The following PREX1 variants were observed in gnomAD, a reference collection of about 807,000 sequenced individuals.
PREX1 encodes phosphatidylinositol 3,4,5-trisphosphate-dependent Rac exchanger 1 protein.
In PREX1, 41 loss-of-function variants were observed where a neutral mutation model predicts 198.3. That is an observed-to-expected ratio of 0.21 (90% CI 0.16 to 0.27). The LOEUF (loss-of-function observed/expected upper bound fraction) is 0.27, where lower values mean the gene tolerates loss of function less well. Among genes scored for constraint, PREX1 ranks in the 10% least tolerant of loss-of-function variants. The pLI is 1.00. For synonymous variants in PREX1, 843 were observed against 887.2 expected, an observed-to-expected ratio of 0.95 and a Z score of 0.89; for missense variants, 1,620 against 2,200.7, an observed-to-expected ratio of 0.74 and a Z score of 5.28.
chr20:48,710,368 T>G (rs189028616), intron 5 of PREX1, among the ~76,000 whole-genome samples: 1 of 151,922 alleles, frequency 6.6e-6, no homozygotes, highest in Non-Finnish European at 1.5e-5. Context: ...TGGTCAAGAG[T>G]AGACCGGTCA....
At chr20:48,791,987 T>C (rs538735342) in intron 1 of PREX1, among the ~76,000 whole-genome samples, 1 of 152,302 alleles carries the variant, frequency 6.6e-6, no homozygotes, top group African/African-American at 2.4e-5. Flanking sequence ...ACATGGGACA[T>C]GTGCTCCAGA....
At chr20:48,650,790 C>A in intron 23 of PREX1, 104 bp downstream of exon 23, 1 of 1,399,440 alleles carries the variant, frequency 7.1e-7, no homozygotes. Flanking sequence ...CTGTTTGTTT[C>A]AGCTGAGTTG....
chr20:48,859,381 A>G, the PREX1 span, among the ~76,000 whole-genome samples: 1 of 152,168 alleles, frequency 6.6e-6, no homozygotes, highest in African/African-American at 2.4e-5. Flanking sequence ...CACCCACCCC[A>G]TAAGTCCCAC....
intron 27 of PREX1, 55 bp from the exon 28 acceptor site, chr20:48,642,544 T>A (rs1312137888): frequency 1.4e-6 from 2 of 1,452,210 alleles, no homozygotes; most frequent in African/African-American, 2.8e-5. Flanking sequence ...CCTCACACCA[T>A]CCCCAGCACT....
intron 1 of PREX1, among the ~76,000 whole-genome samples, chr20:48,792,802 CAA>C (rs200047465): frequency 2.9e-4 from 28 of 95,290 alleles, no homozygotes; most frequent in South Asian, 1.4e-3. Flanking sequence ...AAGCCAGATA[CAA>C]AAAAAAAAAA....
chr20:48,648,509 G>A (rs2089467792), intron 25 of PREX1, among the ~76,000 whole-genome samples: 2 of 152,158 alleles, frequency 1.3e-5, no homozygotes, highest in African/African-American at 2.4e-5. Context: ...TCAAGGGTGA[G>A]AGACACTGCT....
chr20:48,789,672 T>G (rs1489948169), intron 1 of PREX1, among the ~76,000 whole-genome samples: 1 of 152,204 alleles, frequency 6.6e-6, no homozygotes, highest in Non-Finnish European at 1.5e-5. Context: ...ATTATTAAGC[T>G]GAGACTATAA....
chr20:48,887,688 T>C, the PREX1 span, among the ~76,000 whole-genome samples: 9 of 151,830 alleles, frequency 5.9e-5, no homozygotes, highest in East Asian at 1.5e-3. Context: ...GATTCACGCC[T>C]GTAATCCCAG....
intron 35 of PREX1, among the ~76,000 whole-genome samples, chr20:48,631,446 T>G (rs1185608990): frequency 1.3e-5 from 2 of 152,314 alleles, no homozygotes; most frequent in Non-Finnish European, 2.9e-5. Context: ...CCCGGAACAG[T>G]GCCCGGCCCG....
chr20:48,804,950 C>T (rs746492589), intron 1 of PREX1, among the ~76,000 whole-genome samples: 14 of 151,920 alleles, frequency 9.2e-5, no homozygotes, highest in Non-Finnish European at 1.6e-4. Flanking sequence ...ATGGAGATGT[C>T]GGGTCATCAT....
the PREX1 span, among the ~76,000 whole-genome samples, chr20:48,874,467 T>C: frequency 6.6e-6 from 1 of 151,314 alleles, no homozygotes; most frequent in African/African-American, 2.4e-5. Context: ...TCACTATGAC[T>C]AGCGTTGTGG....
At chr20:48,656,434 C>T (rs772104062) in intron 18 of PREX1, 7 of 456,400 alleles carry the variant, frequency 1.5e-5, no homozygotes, top group East Asian at 6.9e-5. Flanking sequence ...GGCTGGACCC[C>T]GTTACCCTAC....
At chr20:48,627,462 G>T in intron 39 of PREX1, 86 bp downstream of exon 39, 1 of 1,439,140 alleles carries the variant, frequency 6.9e-7, no homozygotes. Context: ...GAGCATTAGG[G>T]GTTAGGCCAG....
At chr20:48,843,433 GC>G in the PREX1 span, among the ~76,000 whole-genome samples, 1 of 152,128 alleles carries the variant, frequency 6.6e-6, no homozygotes, top group East Asian at 1.9e-4. Flanking sequence ...GTTAACTGGA[GC>G]CCCAGTACTA....
At chr20:48,682,460 T>C (rs1337036328) in intron 10 of PREX1, among the ~76,000 whole-genome samples, 1 of 152,256 alleles carries the variant, frequency 6.6e-6, no homozygotes, top group Non-Finnish European at 1.5e-5. Flanking sequence ...TGTAATGACA[T>C]GAACAGGGTG....
In PREX1 at chr20:48,625,060, CTTTTT is replaced by C. The variant is rs938676131; in HGVS notation, c.*820_*824del. ...AATAATTTAGTTTTTCTTTTGTGCT[CTTTTT>C]TTTTTAGTAGAAGCAGGAACAGTTG... On this transcript the variant is annotated 3_prime_UTR_variant, in exon 40 of 40. Coordinates refer to ENST00000371941, the MANE Select transcript of PREX1 (RefSeq NM_020820.4). The C allele has an allele frequency of 6.7e-6, 1 of 149,848 alleles. No individual in the cohort carries two copies. Among genetic ancestry groups the C allele is most frequent in the Non-Finnish European group, 1.5e-5 (1 of 67,196 alleles). The allele number at this position is 149,848 out of a possible 1,614,324, so 9.3% of individuals were successfully genotyped here. A position where few individuals can be genotyped will look rare whatever the true frequency, so the allele number is the denominator to read the frequency against.
chr20:48,656,917 T>C (rs2089548373), intron 18 of PREX1, 123 bp downstream of exon 18: 2 of 1,269,094 alleles, frequency 1.6e-6, no homozygotes, highest in Non-Finnish European at 2.1e-6. Flanking sequence ...CCAGCTTGTG[T>C]TGTGTGACTC....
intron 1 of PREX1, among the ~76,000 whole-genome samples, chr20:48,813,418 T>C (rs896505517): frequency 2.0e-5 from 3 of 152,144 alleles, no homozygotes; most frequent in Non-Finnish European, 4.4e-5. Flanking sequence ...GGGGTGGGGA[T>C]GGGCGAGGAG....
At chr20:48,853,477 C>T in the PREX1 span, among the ~76,000 whole-genome samples, 1 of 152,162 alleles carries the variant, frequency 6.6e-6, no homozygotes, top group Non-Finnish European at 1.5e-5. Context: ...TCTCAGAAGA[C>T]TCCCTCATTA....
Sources: gnomAD v4.1 joint callset for allele counts (sites outside exome capture counted in the v4.1 genomes callset) on GRCh38, gnomAD v4.1.1 for gene constraint, MANE v1.5 for transcripts, NCBI Gene and HGNC (gene_info 2026-07-23, HGNC 2026-07-21) for gene names.